Variants in SOX13 observed in about 807,000 individuals in gnomAD.
SOX13 encodes the protein transcription factor SOX-13.
In SOX13, 28 loss-of-function variants were observed where a neutral mutation model predicts 71.8. The observed-to-expected ratio is 0.39, with a 90% confidence interval of 0.29 to 0.53. SOX13 has a LOEUF of 0.53. SOX13 is among the 20% of genes least tolerant of loss of function. SOX13 has a pLI of 0.70. For synonymous variants in SOX13, 309 were observed against 317.8 expected, an observed-to-expected ratio of 0.97 and a Z score of 0.29; for missense variants, 627 against 810.3, an observed-to-expected ratio of 0.77 and a Z score of 2.75.
intron 12 of SOX13, 37 bp from the exon 13 acceptor site, chr1:204,124,604 C>G: frequency 6.4e-7 from 1 of 1,565,386 alleles, no homozygotes; most frequent in Non-Finnish European, 8.7e-7. Flanking sequence ...TCAGCAGAGC[C>G]CAGCACTGAC....
At chr1:204,117,513 A>G (rs1000625383) in intron 6 of SOX13, 80 bp from the exon 7 acceptor site, 1 of 896,984 alleles carries the variant, frequency 1.1e-6, no homozygotes. Context: ...CCATGGGTCC[A>G]TTCTCTGTGC....
intron 7 of SOX13, among the ~76,000 whole-genome samples, chr1:204,120,692 G>C (rs531875368): frequency 1.3e-5 from 2 of 152,304 alleles, no homozygotes; most frequent in East Asian, 3.9e-4. Context: ...CTCCCACAGG[G>C]AGCCTGCTCT....
intron 1 of SOX13, among the ~76,000 whole-genome samples, chr1:204,078,665 T>A (rs1182764198): frequency 6.6e-6 from 1 of 152,140 alleles, no homozygotes; most frequent in Admixed American, 6.5e-5. Context: ...GATGGGGAAC[T>A]AGACCCATGG....
chr1:204,122,929 C>A lies in SOX13; in HGVS notation c.1100C>A (p.Ala367Asp), dbSNP rs759822441. The change falls in exon 10 of 14, where the codon GCC (alanine) becomes GAC (aspartate). Residue 367 changes from alanine (A) to aspartate (D), a missense_variant. Around this residue, in one of 3 missense-constraint regions of SOX13, gnomAD observed 447 missense variants for 532.2 expected, o/e 0.84. Coordinates refer to ENST00000367204, the MANE Select transcript of SOX13 (RefSeq NM_005686.3). The stretch of plus-strand genomic sequence containing the variant: ...CAGCTGCTGCACAGCCACAGTGGGG[C>A]CTTGGATGGCTCCCCCAACACCCCC... ...ARQLLHSHSG[A>D]LDGSPNTPFR... 3 of 1,590,206 alleles carry A rather than the reference C, an allele frequency of 1.9e-6. No homozygotes were observed. The highest frequency in any genetic ancestry group is 1.1e-5 in the South Asian group (1 of 87,654).
At chr1:204,109,136 G>C (rs1365604641) in intron 1 of SOX13, among the ~76,000 whole-genome samples, 1 of 152,144 alleles carries the variant, frequency 6.6e-6, no homozygotes, top group Non-Finnish European at 1.5e-5. Flanking sequence ...AGCTGGCCTG[G>C]GGTCTCTTCT....
Position 204,073,325 on chromosome 1 carries a change from G to A in SOX13, c.-388G>A, listed in dbSNP as rs1200990568. On this transcript the variant is annotated 5_prime_UTR_variant, in exon 1 of 14. Transcript: ENST00000367204. The surrounding 1 kb of genome is among the most constrained non-coding windows in gnomAD (Gnocchi z 6.8). ...GAGCGTGAGAGCCGAAGAGCAGGGAGGGCGGGCCGGCTGCGCGTCCGACGA... is the reference window on the plus strand; with the variant it reads ...GAGCGTGAGAGCCGAAGAGCAGGGAAGGCGGGCCGGCTGCGCGTCCGACGA... 6.5e-6 allele frequency: 1 copy of A among 152,768 alleles called. No homozygotes were observed. The highest frequency in any genetic ancestry group is 1.5e-5 in the Non-Finnish European group (1 of 68,502). The allele number at this position is 152,768 out of a possible 1,614,324, so 9.5% of individuals were successfully genotyped here.
At chr1:204,114,750 C>T in intron 4 of SOX13, 145 bp downstream of exon 4, 1 of 658,102 alleles carries the variant, frequency 1.5e-6, no homozygotes, top group Non-Finnish European at 2.8e-6. Flanking sequence ...GGGGTCATCA[C>T]CATCCCTCGC....
At chr1:204,094,157 G>A (rs755481703) in intron 1 of SOX13, among the ~76,000 whole-genome samples, 1 of 152,306 alleles carries the variant, frequency 6.6e-6, no homozygotes, top group African/African-American at 2.4e-5. Flanking sequence ...TAACTGTGCC[G>A]AGTCTCCTAG....
intron 1 of SOX13, among the ~76,000 whole-genome samples, chr1:204,087,603 C>T (rs1656052394): frequency 6.6e-6 from 1 of 152,250 alleles, no homozygotes; most frequent in Admixed American, 6.5e-5. Flanking sequence ...AGGGCTGTCA[C>T]TTAGCCACTT....
chr1:204,119,658 C>G (rs1347588762), intron 7 of SOX13: 1 of 152,248 alleles, frequency 6.6e-6, no homozygotes, highest in Non-Finnish European at 1.5e-5. Context: ...CCAATAGGCT[C>G]CCAAATCTTA....
intron 1 of SOX13, among the ~76,000 whole-genome samples, chr1:204,075,507 C>A (rs1425630804): frequency 6.6e-6 from 1 of 152,242 alleles, no homozygotes; most frequent in Admixed American, 6.5e-5. Context: ...TTTGGACTTC[C>A]CCGCATGCGA....
chr1:204,108,746 G>A (rs902322132), intron 1 of SOX13, among the ~76,000 whole-genome samples: 12 of 152,342 alleles, frequency 7.9e-5, no homozygotes, highest in East Asian at 5.8e-4. Context: ...CGCATTGTGC[G>A]CCTGTCACAC....
intron 1 of SOX13, among the ~76,000 whole-genome samples, chr1:204,095,544 T>C (rs1454829272): frequency 2.6e-5 from 4 of 152,130 alleles, no homozygotes; most frequent in African/African-American, 9.7e-5. Flanking sequence ...TGCCCCCATG[T>C]TGTCCCCTCA....
chr1:204,101,687 G>A (rs1281956856), intron 1 of SOX13, among the ~76,000 whole-genome samples: 2 of 151,778 alleles, frequency 1.3e-5, no homozygotes, highest in Non-Finnish European at 2.9e-5. Flanking sequence ...CAGTTCTCTA[G>A]CAAGCATAAG....
intron 1 of SOX13, among the ~76,000 whole-genome samples, chr1:204,107,882 G>A (rs1183831370): frequency 2.0e-5 from 3 of 152,296 alleles, no homozygotes; most frequent in African/African-American, 7.2e-5. Context: ...TATCTGGTGG[G>A]CACCCAGCCC....
At chr1:204,102,561 A>G (rs1656381196) in intron 1 of SOX13, among the ~76,000 whole-genome samples, 1 of 151,940 alleles carries the variant, frequency 6.6e-6, no homozygotes, top group Admixed American at 6.6e-5. Context: ...GGTTGGGGAC[A>G]TCAACAGGGC....
chr1:204,100,315 A>G (rs937198470), intron 1 of SOX13, among the ~76,000 whole-genome samples: 1 of 152,128 alleles, frequency 6.6e-6, no homozygotes, highest in African/African-American at 2.4e-5. Flanking sequence ...ATTCATTACT[A>G]TTATTAGTAT....
intron 1 of SOX13, among the ~76,000 whole-genome samples, chr1:204,077,839 T>C (rs543313192): frequency 8.5e-5 from 13 of 152,106 alleles, no homozygotes; most frequent in African/African-American, 2.9e-4. Context: ...TGAGATAGAC[T>C]CTTACTCTGT....
At chr1:204,078,236 C>T (rs1655824431) in intron 1 of SOX13, 1 of 140,820 alleles carries the variant, frequency 7.1e-6, no homozygotes, top group South Asian at 2.7e-4. Context: ...TTGAGCTAGG[C>T]CTATTCCACC....
Sources: gnomAD v4.1 joint callset for allele counts (sites outside exome capture counted in the v4.1 genomes callset) on GRCh38, gnomAD v4.1.1 for gene constraint, gnomAD v4.1.1 regional missense constraint, Gnocchi (gnomAD v3.1) non-coding constraint, MANE v1.5 for transcripts, NCBI Gene and HGNC (gene_info 2026-07-23, HGNC 2026-07-21) for gene names.